The following ATXN7L1 variants were observed in gnomAD, a reference collection of about 807,000 sequenced individuals.
The protein encoded by ATXN7L1 is ataxin-7-like protein 1.
A neutral mutation model predicts 70.8 loss-of-function variants in ATXN7L1; 15 were observed. The observed-to-expected ratio is 0.21, with a 90% CI of 0.14 to 0.33. The LOEUF (loss-of-function observed/expected upper bound fraction) is 0.33. Ranked by LOEUF, ATXN7L1 falls within the 10% of genes least tolerant of loss-of-function variation. The pLI is 1.00. For missense variants in ATXN7L1, 975 were observed against 1,097.1 expected (o/e 0.89, Z 1.57); for synonymous variants, 440 against 445.1 (o/e 0.99, Z 0.14).
chr7:105,840,681 CA>C (rs2116609198), intron 2 of ATXN7L1, among the ~76,000 whole-genome samples: 1 of 152,320 alleles, frequency 6.6e-6, no homozygotes, highest in Non-Finnish European at 1.5e-5. Flanking sequence ...CCTGCATCTC[CA>C]ACGGCTCCAG....
At chr7:105,783,424 C>CT (rs996149693) in intron 3 of ATXN7L1, among the ~76,000 whole-genome samples, 17 of 152,162 alleles carry the variant, frequency 1.1e-4, no homozygotes, top group Non-Finnish European at 2.4e-4. Flanking sequence ...TCTGGAGTGT[C>CT]TTTTTATGCT....
intron 3 of ATXN7L1, among the ~76,000 whole-genome samples, chr7:105,692,551 A>T (rs1791146781): frequency 6.6e-6 from 1 of 151,446 alleles, no homozygotes; most frequent in Admixed American, 6.6e-5. Context: ...GGTTCAAGCA[A>T]TTCTCCTGCC....
chr7:105,612,493 C>T (rs549417101), intron 10 of ATXN7L1, among the ~76,000 whole-genome samples: 2 of 151,546 alleles, frequency 1.3e-5, no homozygotes, highest in African/African-American at 2.4e-5. Flanking sequence ...ACAAGCCCCC[C>T]GGGGGATTCG....
intron 7 of ATXN7L1, among the ~76,000 whole-genome samples, chr7:105,626,847 T>C (rs979000742): frequency 1.1e-4 from 16 of 152,232 alleles, no homozygotes; most frequent in African/African-American, 3.9e-4. Flanking sequence ...CCAGACGTTG[T>C]TACTGGGCAC....
intron 3 of ATXN7L1, chr7:105,679,145 A>C (rs1805190894): frequency 2.0e-6 from 2 of 985,846 alleles, no homozygotes; most frequent in Non-Finnish European, 2.4e-6. Flanking sequence ...TGGCTCCTGG[A>C]TGAGGGCCCT....
chr7:105,686,280 C>G (rs998473749), intron 3 of ATXN7L1, among the ~76,000 whole-genome samples: 1 of 152,200 alleles, frequency 6.6e-6, no homozygotes, highest in African/African-American at 2.4e-5. Context: ...CTTTGGGAAG[C>G]TGAGGCGGGT....
intron 3 of ATXN7L1, among the ~76,000 whole-genome samples, chr7:105,766,647 G>A (rs1477940910): frequency 6.6e-6 from 1 of 152,214 alleles, no homozygotes; most frequent in African/African-American, 2.4e-5. Context: ...ACCCCACTGT[G>A]CTCTCCACCC....
chr7:105,803,110 T>C (rs992990673), intron 2 of ATXN7L1, among the ~76,000 whole-genome samples: 2 of 152,218 alleles, frequency 1.3e-5, no homozygotes, highest in African/African-American at 4.8e-5. Context: ...GTCAAATCCG[T>C]CAGCCAGCCA....
At chr7:105,727,149 T>C (rs1355984295) in intron 3 of ATXN7L1, among the ~76,000 whole-genome samples, 1 of 152,184 alleles carries the variant, frequency 6.6e-6, no homozygotes, top group Non-Finnish European at 1.5e-5. Flanking sequence ...TTGTTAAAAC[T>C]GAAATGTGTA....
chr7:105,610,209 T>C (rs1157321078), intron 11 of ATXN7L1, among the ~76,000 whole-genome samples: 1 of 152,222 alleles, frequency 6.6e-6, no homozygotes, highest in Non-Finnish European at 1.5e-5. Flanking sequence ...CTGGTAATAA[T>C]AGCTAACACT....
At chr7:105,651,748 G>C (rs931891136) in intron 4 of ATXN7L1, among the ~76,000 whole-genome samples, 2 of 152,208 alleles carry the variant, frequency 1.3e-5, no homozygotes, top group African/African-American at 4.8e-5. Context: ...GGTCCCATCT[G>C]TATAGGACAT....
intron 2 of ATXN7L1, among the ~76,000 whole-genome samples, chr7:105,869,168 G>A (rs1028277700): frequency 1.3e-5 from 2 of 151,978 alleles, no homozygotes; most frequent in Non-Finnish European, 2.9e-5. Flanking sequence ...CCTTTAAGCC[G>A]CTCCATCTCT....
chr7:105,624,299 A>C lies in ATXN7L1; in HGVS notation c.1203-32T>G. ...GCAAGAGCGGAGAACAAACAAAATA[A>C]ACCAAATGAACCTTTTCTGAGGTAA... On this transcript the variant is annotated intron_variant, in intron 7 of 11. Transcript: ENST00000419735. 3.8e-6 allele frequency: 5 copies of C among 1,324,050 alleles called. No individual in the cohort carries two copies. In the South Asian group the frequency reaches 6.4e-5, roughly 17 times the overall value. The allele number at this position is 1,324,050 out of a possible 1,614,324, so 82.0% of individuals were successfully genotyped here. A position where few individuals can be genotyped will look rare whatever the true frequency, so the allele number is the denominator to read the frequency against.
intron 4 of ATXN7L1, among the ~76,000 whole-genome samples, chr7:105,654,907 ATTT>A (rs201109400): frequency 2.1e-5 from 3 of 140,896 alleles, no homozygotes; most frequent in Middle Eastern, 3.3e-3. Flanking sequence ...CGCCTGGCTA[ATTT>A]TTTTTTTTTT....
chr7:105,837,731 C>T (rs1469606278), intron 2 of ATXN7L1, among the ~76,000 whole-genome samples: 1 of 152,148 alleles, frequency 6.6e-6, no homozygotes, highest in African/African-American at 2.4e-5. Flanking sequence ...TGGGGATCTG[C>T]TTTACTGTCT....
In ATXN7L1 at chr7:105,750,399, T is replaced by C. The variant is rs1352116651; in HGVS notation, c.355+38205A>G. On this transcript the variant is annotated intron_variant, in intron 3 of 11. Coordinates refer to ENST00000419735, the MANE Select transcript of ATXN7L1 (RefSeq NM_020725.2). ...CAAGTGATCCTCCTGCCTCAGTTTCTTGAGTAGCTAGGACTACAGGCACGT... is the reference window on the plus strand; with the variant it reads ...CAAGTGATCCTCCTGCCTCAGTTTCCTGAGTAGCTAGGACTACAGGCACGT... Among the ~76,000 whole-genome samples the C allele has an allele frequency of 5.9e-5, 9 of 151,708 alleles. 1 individual carries two copies. The Admixed American group carries it at 5.9e-4, about 10-fold the overall frequency.
chr7:105,743,089 G>A (rs945018079), intron 3 of ATXN7L1, among the ~76,000 whole-genome samples: 1 of 152,210 alleles, frequency 6.6e-6, no homozygotes, highest in South Asian at 2.1e-4. Flanking sequence ...TCAGAGATGA[G>A]TGGGAGCTGT....
At chr7:105,737,310 A>G (rs1797492749) in intron 3 of ATXN7L1, among the ~76,000 whole-genome samples, 1 of 152,246 alleles carries the variant, frequency 6.6e-6, no homozygotes. Flanking sequence ...CCTCCATTGT[A>G]ACAATATTAG....
chr7:105,763,656 T>G (rs891985655), intron 3 of ATXN7L1, among the ~76,000 whole-genome samples: 2 of 152,186 alleles, frequency 1.3e-5, no homozygotes, highest in East Asian at 3.8e-4. Flanking sequence ...TGCCATTAAG[T>G]GCATTTGACA....
Sources: gnomAD v4.1 joint callset for allele counts (sites outside exome capture counted in the v4.1 genomes callset) on GRCh38, gnomAD v4.1.1 for gene constraint, MANE v1.5 for transcripts, NCBI Gene and HGNC (gene_info 2026-07-23, HGNC 2026-07-21) for gene names.